Variants in NIN observed in about 807,000 individuals in gnomAD.
NIN encodes glycogen synthase kinase 3 beta-interacting protein.
In NIN, 137 loss-of-function variants were observed where a neutral mutation model predicts 257.6. The observed-to-expected ratio is 0.53, with a 90% CI of 0.46 to 0.61. The LOEUF (loss-of-function observed/expected upper bound fraction) is 0.61. Among genes scored for constraint, NIN ranks in the 20% least tolerant of loss-of-function variants. NIN has a pLI of 0.00. For synonymous variants in NIN, 918 were observed against 919.8 expected (o/e 1.00, Z 0.04); for missense variants, 2,439 against 2,501.2 (o/e 0.98, Z 0.53).
chr14:50,719,866 T>C lies in NIN; in HGVS notation c.*3597A>G. The stretch of plus-strand genomic sequence containing the variant: ...CATCTTAAGCTCACATTAAAATCTT[T>C]CTAGGATAGAATGGCTAAGATGAAA... On this transcript the variant is annotated 3_prime_UTR_variant, in exon 31 of 31. Transcript: ENST00000530997. 4.9e-6 allele frequency: 1 copy of C among 204,316 alleles called. No homozygotes were observed. The highest frequency in any genetic ancestry group is 1.0e-5 in the Non-Finnish European group (1 of 99,422). The allele number at this position is 204,316 out of a possible 1,614,324, so 12.7% of individuals were successfully genotyped here.
At chr14:50,742,520 A>T (rs527948732) in intron 24 of NIN, 5 of 151,192 alleles carry the variant, frequency 3.3e-5, no homozygotes, top group African/African-American at 1.2e-4. Context: ...CAGCCTCCCC[A>T]GTAGCTGGGA....
chr14:50,831,220 TG>T (rs1338427408), upstream of NIN: 1 of 151,178 alleles, frequency 6.6e-6, no homozygotes, highest in Admixed American at 6.6e-5. Context: ...GCTCCTCCTC[TG>T]CGGCCCGCGC....
Position 50,747,981 on chromosome 14 carries a change from C to A in NIN, c.5064+11G>T, listed in dbSNP as rs371997962. The A allele has an allele frequency of 6.3e-7, 1 of 1,580,798 alleles. No individual in the cohort carries two copies. Among genetic ancestry groups the A allele is most frequent in the East Asian group, 2.2e-5 (1 of 44,730 alleles). On this transcript the variant is annotated intron_variant, in intron 22 of 30. Coordinates refer to ENST00000530997, the MANE Select transcript of NIN (RefSeq NM_020921.4). ...GTTCTGTGAACCCCCCTTAGCTGCA[C>A]ACAGCCTTACCTGTTTCATTTTCTC...
At chr14:50,805,157 T>C (rs947892739) in intron 4 of NIN, among the ~76,000 whole-genome samples, 1 of 152,224 alleles carries the variant, frequency 6.6e-6, no homozygotes, top group Non-Finnish European at 1.5e-5. Context: ...CCTGAAGTTA[T>C]GCTTATATTA....
chr14:50,725,236 T>C (rs1181498940), intron 30 of NIN, among the ~76,000 whole-genome samples: 2 of 152,014 alleles, frequency 1.3e-5, no homozygotes, highest in African/African-American at 4.8e-5. Flanking sequence ...GGGCATTTTC[T>C]GCCCCCCACC....
chr14:50,751,856 G>GT (rs1415764043), intron 21 of NIN, among the ~76,000 whole-genome samples: 1 of 152,108 alleles, frequency 6.6e-6, no homozygotes, highest in Non-Finnish European at 1.5e-5. Context: ...TGATTTATTT[G>GT]TTCGTATGCT....
intron 2 of NIN, chr14:50,823,395 G>A: frequency 2.1e-6 from 1 of 472,340 alleles, no homozygotes; most frequent in Non-Finnish European, 4.3e-6. Flanking sequence ...CCAAATTACA[G>A]AACTCTCTAA....
intron 22 of NIN, among the ~76,000 whole-genome samples, chr14:50,744,571 C>G (rs2041451217): frequency 6.6e-6 from 1 of 152,222 alleles, no homozygotes; most frequent in Admixed American, 6.5e-5. Context: ...GTTGAAATGT[C>G]TGCTTAGGTA....
intron 28 of NIN, among the ~76,000 whole-genome samples, chr14:50,733,641 C>G (rs1457577154): frequency 6.6e-6 from 1 of 152,162 alleles, no homozygotes; most frequent in South Asian, 2.1e-4. Flanking sequence ...AGGAGAAGAA[C>G]TGGTCTCTTG....
intron 1 of NIN, 78 bp from the exon 2 acceptor site, chr14:50,830,595 C>A (rs1031924375): frequency 3.0e-5 from 5 of 167,932 alleles, no homozygotes; most frequent in African/African-American, 1.2e-4. Flanking sequence ...CGGTTCCGGG[C>A]GGGCGTCCTT....
At chr14:50,780,526 GTTC>G (rs1317988793) in intron 5 of NIN, among the ~76,000 whole-genome samples, 14 of 152,320 alleles carry the variant, frequency 9.2e-5, no homozygotes, top group East Asian at 1.9e-4. Context: ...ACGAGTTGAA[GTTC>G]TTCTTTCAGG....
At chr14:50,740,690 C>T (rs533367965) in intron 25 of NIN, among the ~76,000 whole-genome samples, 2 of 152,246 alleles carry the variant, frequency 1.3e-5, no homozygotes, top group East Asian at 3.9e-4. Context: ...CCATGTTGGC[C>T]AGGCTGGTCT....
intron 5 of NIN, among the ~76,000 whole-genome samples, chr14:50,788,787 C>A (rs983222792): frequency 6.6e-6 from 1 of 152,188 alleles, no homozygotes; most frequent in Non-Finnish European, 1.5e-5. Context: ...CATTCCACTG[C>A]CCACTCCTCC....
intron 28 of NIN, among the ~76,000 whole-genome samples, chr14:50,732,063 T>C (rs2040737548): frequency 6.6e-6 from 1 of 152,196 alleles, no homozygotes; most frequent in African/African-American, 2.4e-5. Context: ...TTGAAAAAGC[T>C]CCGAAGTAGG....
At chr14:50,734,745 T>C (rs2040892983) in intron 28 of NIN, among the ~76,000 whole-genome samples, 1 of 152,122 alleles carries the variant, frequency 6.6e-6, no homozygotes, top group Admixed American at 6.5e-5. Context: ...AGTGGTGTGA[T>C]CTCAGCTCAT....
chr14:50,754,611 T>G lies in NIN; in HGVS notation c.4686A>C (p.Lys1562Asn), dbSNP rs747339509. The G allele has an allele frequency of 6.2e-7, 1 of 1,611,078 alleles. No homozygotes were observed. Among genetic ancestry groups the G allele is most frequent in the South Asian group, 1.1e-5 (1 of 90,356 alleles). The change falls in exon 20 of 31, where the codon AAA becomes AAC. Residue 1562 changes from lysine (K) to asparagine (N), a missense_variant. Coordinates refer to ENST00000530997, the MANE Select transcript of NIN (RefSeq NM_020921.4). Reference sequence around the variant, plus strand: ...TCTTCTGAACTGCAGCATTTTCTTGTTTTACAGTTTCCGTTTTTTGCCTAA... The same window carrying G: ...TCTTCTGAACTGCAGCATTTTCTTGGTTTACAGTTTCCGTTTTTTGCCTAA... The part of the protein sequence containing the change: ...EEMWQKTETV[K>N]QENAAVQKMV...
rs2042099577 is a variant in NIN at position 50,757,782 on chromosome 14, T to C, written c.3248A>G (p.Lys1083Arg). The change falls in exon 18 of 31, where the codon AAA becomes AGA. Residue 1083 changes from lysine (K) to arginine (R), a missense_variant. Coordinates refer to ENST00000530997, the MANE Select transcript of NIN (RefSeq NM_020921.4). ...CAATCTAGAAATTTCAGTAGCCATT[T>C]TCACATTTTCCTTCACTGCCTGTTC... ...AHEQAVKENVKMATEISRLQQ... is the reference protein window; with the variant it reads ...AHEQAVKENVRMATEISRLQQ... 1 of 1,614,206 alleles carries C rather than the reference T, an allele frequency of 6.2e-7. No homozygotes were observed. The highest frequency in any genetic ancestry group is 2.2e-5 in the East Asian group (1 of 44,888).
chr14:50,732,931 T>C lies in NIN; in HGVS notation c.5877+2585A>G, dbSNP rs193010036. ...TTAAAAACTTCAATCTGGAGAAATATAGGAGAGATCAGGGAACTCCCAACA... is the reference window on the plus strand; with the variant it reads ...TTAAAAACTTCAATCTGGAGAAATACAGGAGAGATCAGGGAACTCCCAACA... On this transcript the variant is annotated intron_variant, in intron 28 of 30. Transcript: ENST00000530997. 5.9e-5 allele frequency among the ~76,000 whole-genome samples: 9 copies of C among 151,562 alleles called. 1 individual carries two copies. Among genetic ancestry groups the C allele is most frequent in the African/African-American group, 2.2e-4 (9 of 41,342 alleles).
intron 3 of NIN, among the ~76,000 whole-genome samples, chr14:50,819,269 TA>T (rs2045083297): frequency 6.6e-6 from 1 of 152,180 alleles, no homozygotes; most frequent in African/African-American, 2.4e-5. Context: ...TAAATATAAA[TA>T]ACTTGGACCC....
Sources: gnomAD v4.1 joint callset for allele counts (sites outside exome capture counted in the v4.1 genomes callset) on GRCh38, gnomAD v4.1.1 for gene constraint, MANE v1.5 for transcripts, NCBI Gene and HGNC (gene_info 2026-07-23, HGNC 2026-07-21) for gene names.